Variants in FAM171A2 observed in about 807,000 individuals in gnomAD.
FAM171A2 encodes protein FAM171A2.
FAM171A2 carries 13 observed loss-of-function variants against 34.2 expected under a neutral mutation model. The ratio of observed to expected loss-of-function variants is 0.38; its 90% confidence interval spans 0.25 to 0.60. FAM171A2 has a LOEUF of 0.60. FAM171A2 is among the 20% of genes least tolerant of loss of function. FAM171A2 has a pLI of 0.62. For missense variants in FAM171A2, 950 were observed against 1,180.7 expected (o/e 0.80, Z 2.86); for synonymous variants, 475 against 561.2 (o/e 0.85, Z 2.17).
Position 44,354,860 on chromosome 17 carries a change from C to A in FAM171A2, c.1354G>T (p.Gly452Trp). The A allele has an allele frequency of 7.8e-7, 1 of 1,282,528 alleles. No individual in the cohort carries two copies. The highest frequency in any genetic ancestry group is 9.8e-7 in the Non-Finnish European group (1 of 1,017,796). 79.4% of individuals were successfully genotyped at this position (1,282,528 alleles called of 1,614,324 possible). A position where few individuals can be genotyped will look rare whatever the true frequency, so the allele number is the denominator to read the frequency against. ...TGCTCCTCTAGGCCGGGCTCCAGCC[C>A]GCCGGGGCCCTCGGCCGAGCGAGCG... ...KGARSAEGPGGLEPGLEEHRR... is the reference protein window; with the variant it reads ...KGARSAEGPGWLEPGLEEHRR... Residue 452 changes from glycine (G) to tryptophan (W), a missense_variant, in exon 8 of 8, where the codon GGG becomes TGG. Physicochemically the swap from Gly to Trp is radical, Grantham distance 184. This residue lies in a region of FAM171A2 where 752 missense variants were observed against 924.5 expected (regional missense o/e 0.81). Coordinates refer to ENST00000293443, the MANE Select transcript of FAM171A2 (RefSeq NM_198475.3). The surrounding 1 kb of genome is among the most constrained non-coding windows in gnomAD (Gnocchi z 5.8).
Position 44,354,054 on chromosome 17 carries a change from CGCGG to C in FAM171A2, c.2156_2159del (p.Pro719ArgfsTer30), listed in dbSNP as rs2048406201. On this transcript the variant is annotated frameshift_variant, in exon 8 of 8. Coordinates refer to ENST00000293443, the MANE Select transcript of FAM171A2 (RefSeq NM_198475.3). LOFTEE classifies it low-confidence loss of function (END_TRUNC). This position sits in a 1 kb window ranked among gnomAD's most constrained non-coding sequence, Gnocchi z 5.8. The stretch of plus-strand genomic sequence containing the variant: ...CCTCGCTGAGCGCCAGGCGCGGGGG[CGCGG>C]GCGGCGGCGGCGGCGCGGCAGGCGG... The C allele has an allele frequency of 8.8e-7, 1 of 1,136,522 alleles. No individual in the cohort carries two copies. The allele number at this position is 1,136,522 out of a possible 1,614,324, so 70.4% of individuals were successfully genotyped here.
In FAM171A2 at chr17:44,354,462, C is replaced by T. The variant is rs1035268717; in HGVS notation, c.1752G>A (p.Pro584=). Reference sequence around the variant, plus strand: ...CCGGGCCCGAGTGGCCCGGCATCTGCGGGCGCTGGGGGTCGGGCTGGGGAA... The same window carrying T: ...CCGGGCCCGAGTGGCCCGGCATCTGTGGGCGCTGGGGGTCGGGCTGGGGAA... ...RAFPQPDPQR[P]QMPGHSGPGG... is the part of the protein sequence containing the mutation. The change falls in exon 8 of 8, where the codon CCG becomes CCA. Residue 584 remains proline (P), a synonymous_variant. Transcript: ENST00000293443. This position sits in a 1 kb window ranked among gnomAD's most constrained non-coding sequence, Gnocchi z 5.8. 1.8e-6 allele frequency: 2 copies of T among 1,085,898 alleles called. No homozygotes were observed. Among genetic ancestry groups the T allele is most frequent in the East Asian group, 6.0e-5 (1 of 16,564 alleles). 67.3% of individuals were successfully genotyped at this position (1,085,898 alleles called of 1,614,324 possible).
intron 1 of FAM171A2, 114 bp from the exon 2 acceptor site, chr17:44,360,246 C>G: frequency 2.4e-6 from 2 of 835,658 alleles, no homozygotes; most frequent in South Asian, 1.8e-5. Flanking sequence ...TGGGCTGAGG[C>G]TAGAGAAGGC....
At position 44,363,800 on chromosome 17, in the gene FAM171A2, G is replaced by T. The variant is rs568663233; in HGVS notation, c.-86C>A. 4.5e-3 allele frequency: 2,520 copies of T among 560,154 alleles called. 7 individuals carry two copies. The highest frequency in any genetic ancestry group is 5.1e-3 in the Non-Finnish European group (2,030 of 395,838). 34.7% of individuals were successfully genotyped at this position (560,154 alleles called of 1,614,324 possible). ...CCGCGCAGCCCCAGCTCTGCGCCGC[G>T]CCTCGCAGCTCCGGCTCCCGCTCCC... On this transcript the variant is annotated 5_prime_UTR_variant, in exon 1 of 8. Transcript: ENST00000293443.
Position 44,354,038 on chromosome 17 carries a change from G to A in FAM171A2, c.2176C>T (p.Leu726Phe). 13 of 1,164,538 alleles carry A rather than the reference G, an allele frequency of 1.1e-5. No homozygotes were observed. The highest frequency in any genetic ancestry group is 1.1e-5 in the Non-Finnish European group (10 of 945,098). The allele number at this position is 1,164,538 out of a possible 1,614,324, so 72.1% of individuals were successfully genotyped here. Residue 726 changes from leucine (L) to phenylalanine (F), a missense_variant, in exon 8 of 8, where the codon CTC (leucine) becomes TTC (phenylalanine). Physicochemically the swap from Leu to Phe is conservative, Grantham distance 22 (BLOSUM62 0). Transcript: ENST00000293443. The surrounding 1 kb of genome is among the most constrained non-coding windows in gnomAD (Gnocchi z 5.8). The stretch of plus-strand genomic sequence containing the variant: ...CTGCTGGGCTCCGTGTCCTCGCTGA[G>A]CGCCAGGCGCGGGGGCGCGGGCGGC... ...PPPPAPPRLALSEDTEPSSSE... is the reference protein window; with the variant it reads ...PPPPAPPRLAFSEDTEPSSSE...
At chr17:44,361,200 C>T (rs922681689) in intron 1 of FAM171A2, among the ~76,000 whole-genome samples, 1 of 152,256 alleles carries the variant, frequency 6.6e-6, no homozygotes, top group African/African-American at 2.4e-5. Flanking sequence ...AGGAACCAAG[C>T]CTTGAGTTGT....
At chr17:44,357,381 G>A (rs1321136341) in intron 3 of FAM171A2, among the ~76,000 whole-genome samples, 1 of 151,800 alleles carries the variant, frequency 6.6e-6, no homozygotes, top group African/African-American at 2.4e-5. Context: ...GAGCGCGGTG[G>A]CTCACGCCTG....
At chr17:44,359,737 T>TAC in intron 2 of FAM171A2, 66 bp from the exon 3 acceptor site, 2 of 780,454 alleles carry the variant, frequency 2.6e-6, no homozygotes, top group South Asian at 4.2e-5. Flanking sequence ...AGGCACCCCC[T>TAC]CCATCTGAGT....
In FAM171A2 at chr17:44,354,321, G is replaced by A. The variant is rs2048408404; in HGVS notation, c.1893C>T (p.Asn631=). The change falls in exon 8 of 8, where the codon AAC becomes AAT. Residue 631 remains asparagine (N), a synonymous_variant. Coordinates refer to ENST00000293443, the MANE Select transcript of FAM171A2 (RefSeq NM_198475.3). This position sits in a 1 kb window ranked among gnomAD's most constrained non-coding sequence, Gnocchi z 5.8. The part of the protein sequence containing the change: ...LFNESTMAQL[N]GELQALTEKK... Reference sequence around the variant, plus strand: ...TCTCGGTCAGGGCCTGCAGCTCCCCGTTGAGCTGCGCCATGGTGGACTCGT... The same window carrying A: ...TCTCGGTCAGGGCCTGCAGCTCCCCATTGAGCTGCGCCATGGTGGACTCGT... 1.4e-6 allele frequency: 2 copies of A among 1,445,634 alleles called. No homozygotes were observed. Among genetic ancestry groups the A allele is most frequent in the Admixed American group, 4.9e-5 (2 of 41,002 alleles). The allele number at this position is 1,445,634 out of a possible 1,614,324, so 89.6% of individuals were successfully genotyped here. A position where few individuals can be genotyped will look rare whatever the true frequency, so the allele number is the denominator to read the frequency against.
At chr17:44,362,877 C>G (rs2048453578) in intron 1 of FAM171A2, among the ~76,000 whole-genome samples, 1 of 152,196 alleles carries the variant, frequency 6.6e-6, no homozygotes, top group Non-Finnish European at 1.5e-5. Context: ...AGCCAGCTAG[C>G]TCAGCATGGC....
rs2048404596 is a variant in FAM171A2 at position 44,353,894 on chromosome 17, G to A, written c.2320C>T (p.Arg774Cys). 1.5e-6 allele frequency: 2 copies of A among 1,309,018 alleles called. No homozygotes were observed. The highest frequency in any genetic ancestry group is 1.9e-6 in the Non-Finnish European group (2 of 1,033,936). The allele number at this position is 1,309,018 out of a possible 1,614,324, so 81.1% of individuals were successfully genotyped here. A position where few individuals can be genotyped will look rare whatever the true frequency, so the allele number is the denominator to read the frequency against. The change falls in exon 8 of 8, where the codon CGC becomes TGC. Residue 774 changes from arginine to cysteine, a missense_variant. Coordinates refer to ENST00000293443, the MANE Select transcript of FAM171A2 (RefSeq NM_198475.3). ...GCGCTGCTGCGGGAGCTGTCCCCGC[G>A]GCTGCGGCCCCGCCCCCGGGGTACC... ...ATVPRGRGRSRGDSSRSSASE... is the reference protein window; with the variant it reads ...ATVPRGRGRSCGDSSRSSASE...
In FAM171A2 at chr17:44,356,200, G is replaced by A. The variant is rs1051546838; in HGVS notation, c.751C>T (p.Pro251Ser). Residue 251 changes from proline to serine, a missense_variant, in exon 5 of 8, where the codon CCA (proline) becomes TCA (serine). Physicochemically the swap from Pro to Ser is moderately conservative, Grantham distance 74. Coordinates refer to ENST00000293443, the MANE Select transcript of FAM171A2 (RefSeq NM_198475.3). ...CTCTTGGGGTCAAATCTCCAGGCTG[G>A]AATGCTGGTGCCCACGGTGAGGGCA... Reference protein sequence around the residue: ...TRALTVGTSIPAWRFDPKSGL... With the variant: ...TRALTVGTSISAWRFDPKSGL... 6.5e-7 allele frequency: 1 copy of A among 1,549,934 alleles called. No individual in the cohort carries two copies. Among genetic ancestry groups the A allele is most frequent in the Admixed American group, 2.0e-5 (1 of 50,922 alleles).
intron 3 of FAM171A2, 80 bp downstream of exon 3, chr17:44,359,499 G>T: frequency 8.1e-7 from 1 of 1,239,876 alleles, no homozygotes; most frequent in Non-Finnish European, 1.2e-6. Context: ...AGGACACCCA[G>T]CTAATATAGG....
rs1367382353 is a variant in FAM171A2, at chr17:44,356,030, G to A, written c.823C>T (p.Arg275Trp). The A allele has an allele frequency of 5.2e-6, 8 of 1,548,524 alleles. No individual in the cohort carries two copies. The highest frequency in any genetic ancestry group is 2.4e-5 in the East Asian group (1 of 40,894). ...NGTGVIRKEG[R>W]QLYWTFVSPQ... Reference sequence around the variant, plus strand: ...GAGACGAAGGTCCAGTAGAGCTGCCGGCCTTCCTTCCGGATTACACCAGTG... The same window carrying A: ...GAGACGAAGGTCCAGTAGAGCTGCCAGCCTTCCTTCCGGATTACACCAGTG... The change falls in exon 6 of 8, where the codon CGG becomes TGG. Residue 275 changes from arginine to tryptophan, a missense_variant. Physicochemically the swap from Arg to Trp is moderately radical, Grantham distance 101 (BLOSUM62 -3). Coordinates refer to ENST00000293443, the MANE Select transcript of FAM171A2 (RefSeq NM_198475.3).
rs1038386687 is a variant in FAM171A2 at position 44,354,685 on chromosome 17, G to A, written c.1529C>T (p.Pro510Leu). The part of the protein sequence containing the change: ...LSQSVDQLAR[P>L]PSLGQAGQLI... The stretch of plus-strand genomic sequence containing the variant: ...CTGCCCCGCCTGGCCCAGCGACGGC[G>A]GCCGCGCCAGCTGGTCCACCGACTG... The change falls in exon 8 of 8, where the codon CCG (proline) becomes CTG (leucine). Residue 510 changes from proline (P) to leucine (L), a missense_variant. By Grantham distance (98) the Pro-to-Leu change is moderately conservative (BLOSUM62 -3). Around this residue, in one of 3 missense-constraint regions of FAM171A2, gnomAD observed 752 missense variants for 924.5 expected, o/e 0.81. Coordinates refer to ENST00000293443, the MANE Select transcript of FAM171A2 (RefSeq NM_198475.3). This position sits in a 1 kb window ranked among gnomAD's most constrained non-coding sequence, Gnocchi z 5.8. 2 of 1,331,822 alleles carry A rather than the reference G, an allele frequency of 1.5e-6. No individual in the cohort carries two copies. Among genetic ancestry groups the A allele is most frequent in the South Asian group, 1.8e-5 (1 of 54,960 alleles). The allele number at this position is 1,331,822 out of a possible 1,614,324, so 82.5% of individuals were successfully genotyped here. A position where few individuals can be genotyped will look rare whatever the true frequency, so the allele number is the denominator to read the frequency against.
At chr17:44,363,539 G>A (rs1219154470) in intron 1 of FAM171A2, 58 bp downstream of exon 1, 32 of 794,596 alleles carry the variant, frequency 4.0e-5, no homozygotes, top group African/African-American at 5.4e-5. Flanking sequence ...GCTGACGGGC[G>A]GGAGCCTGAT....
chr17:44,361,748 G>A (rs2048448772), intron 1 of FAM171A2, among the ~76,000 whole-genome samples: 1 of 152,194 alleles, frequency 6.6e-6, no homozygotes, highest in Non-Finnish European at 1.5e-5. Flanking sequence ...ATTTGATGAT[G>A]TAGGCACTAT....
Position 44,363,633 on chromosome 17 carries a change from G to T in FAM171A2, c.82C>A (p.Pro28Thr). Residue 28 changes from proline to threonine, a missense_variant, in exon 1 of 8, where the codon CCC becomes ACC. Physicochemically the swap from Pro to Thr is conservative, Grantham distance 38. This residue lies in a region of FAM171A2 where 752 missense variants were observed against 924.5 expected (regional missense o/e 0.81). Transcript: ENST00000293443. ...GGGGGCTCCGGCGGCGACTTGCCGG[G>T]AGCCCGGGAGGCGCTGCCGAGCAGC... ...GLLLGSASRA[P>T]GKSPPEPPSP... The T allele has an allele frequency of 8.1e-7, 1 of 1,229,418 alleles. No individual in the cohort carries two copies. Among genetic ancestry groups the T allele is most frequent in the Non-Finnish European group, 1.0e-6 (1 of 985,800 alleles). The allele number at this position is 1,229,418 out of a possible 1,614,324, so 76.2% of individuals were successfully genotyped here. A position where few individuals can be genotyped will look rare whatever the true frequency, so the allele number is the denominator to read the frequency against.
In FAM171A2 at chr17:44,362,573, C is replaced by G. The variant is rs543819748; in HGVS notation, c.118+1024G>C. ...CACAGGCAGGAGAGGGAGAGCAGGA[C>G]CCGGGAGGTGGACTCAGGACTGGAG... is the stretch of plus-strand genomic sequence containing the variant. On this transcript the variant is annotated intron_variant, in intron 1 of 7. Coordinates refer to ENST00000293443, the MANE Select transcript of FAM171A2 (RefSeq NM_198475.3). Among the ~76,000 whole-genome samples, 61 of 152,300 alleles carry G rather than the reference C, an allele frequency of 4.0e-4. 1 individual carries two copies. Among genetic ancestry groups the G allele is most frequent in the Admixed American group, 1.8e-3 (28 of 15,298 alleles).
Sources: gnomAD v4.1 joint callset for allele counts (sites outside exome capture counted in the v4.1 genomes callset) on GRCh38, gnomAD v4.1.1 for gene constraint, gnomAD v4.1.1 regional missense constraint, Gnocchi (gnomAD v3.1) non-coding constraint, MANE v1.5 for transcripts, NCBI Gene and HGNC (gene_info 2026-07-23, HGNC 2026-07-21) for gene names.